VPS53: variants seen among roughly 807,000 people sequenced by gnomAD.
The protein encoded by VPS53 is VPS53 subunit of GARP complex.
A neutral mutation model predicts 107.0 loss-of-function variants in VPS53; 70 were observed. That is an observed-to-expected ratio of 0.65 (90% CI 0.54 to 0.80). VPS53 has a LOEUF of 0.80. VPS53 is among the 30% of genes least tolerant of loss of function. The probability of loss-of-function intolerance (pLI) is 0.00; values close to 1 mark genes in which losing one functional copy is unlikely to be tolerated. For synonymous variants in VPS53, 409 were observed against 393.3 expected, an observed-to-expected ratio of 1.04 and a Z score of -0.47; for missense variants, 917 against 1,049.4, an observed-to-expected ratio of 0.87 and a Z score of 1.74.
chr17:592,772 G>A (rs890423007), intron 12 of VPS53, among the ~76,000 whole-genome samples: 1 of 152,170 alleles, frequency 6.6e-6, no homozygotes, highest in Admixed American at 6.5e-5. Flanking sequence ...AGTCTGATGG[G>A]CTTCCCTTTG....
chr17:628,352 C>T, intron 8 of VPS53, 121 bp from the exon 9 acceptor site: 1 of 1,189,732 alleles, frequency 8.4e-7, no homozygotes. Context: ...CCTTCACACT[C>T]ATTCTTTCTG....
intron 15 of VPS53, among the ~76,000 whole-genome samples, chr17:555,214 C>T (rs1459288929): frequency 6.6e-6 from 1 of 152,234 alleles, no homozygotes; most frequent in African/African-American, 2.4e-5. Context: ...GCCTGCTAGG[C>T]TTCAGTTACA....
chr17:591,864 G>A (rs1967677767), intron 12 of VPS53, among the ~76,000 whole-genome samples: 2 of 152,104 alleles, frequency 1.3e-5, no homozygotes, highest in African/African-American at 4.8e-5. Flanking sequence ...ATTTGGGGTG[G>A]AGAGTTGATT....
chr17:604,643 C>T (rs1968482406), intron 11 of VPS53, among the ~76,000 whole-genome samples: 1 of 152,134 alleles, frequency 6.6e-6, no homozygotes, highest in Admixed American at 6.5e-5. Context: ...GGGATTTTGC[C>T]ATGTTGCCTG....
At chr17:551,660 G>C (rs1911832218) in intron 17 of VPS53, 2 of 355,568 alleles carry the variant, frequency 5.6e-6, no homozygotes, top group Non-Finnish European at 1.0e-5. Flanking sequence ...CTCCAATACT[G>C]TGATGCTCTG....
Position 697,459 on chromosome 17 carries a change from C to T in VPS53, c.244G>A (p.Val82Ile). The T allele has an allele frequency of 6.2e-7, 1 of 1,614,048 alleles. No homozygotes were observed. Among genetic ancestry groups the T allele is most frequent in the Non-Finnish European group, 8.5e-7 (1 of 1,179,870 alleles). ...IRRLDDNIRT[V>I]VRGQTNVGQD... ...CCCACGTTCGTCTGACCTCTTACAA[C>T]AGTTCGAATATTGTCATCCAGTCTC... Residue 82 changes from valine to isoleucine, a missense_variant, in exon 4 of 22, where the codon GTT becomes ATT. Transcript: ENST00000437048.
intron 4 of VPS53, among the ~76,000 whole-genome samples, chr17:672,508 A>T (rs192370942): frequency 2.0e-5 from 3 of 152,340 alleles, no homozygotes; most frequent in Non-Finnish European, 2.9e-5. Flanking sequence ...CCCTCTAAGA[A>T]TCAGAGGTTG....
intron 11 of VPS53, among the ~76,000 whole-genome samples, chr17:611,718 A>G (rs1223318849): frequency 6.6e-6 from 1 of 152,280 alleles, no homozygotes; most frequent in Non-Finnish European, 1.5e-5. Context: ...GAAAACCTGT[A>G]CAAATATTCA....
intron 17 of VPS53, among the ~76,000 whole-genome samples, chr17:546,335 A>T (rs965245768): frequency 1.5e-4 from 14 of 92,072 alleles, no homozygotes; most frequent in African/African-American, 3.7e-4. Context: ...TATCTCACAC[A>T]CACACACACA....
chr17:570,019 T>TTAA (rs1440455640), intron 13 of VPS53, among the ~76,000 whole-genome samples: 1 of 151,980 alleles, frequency 6.6e-6, no homozygotes, highest in Non-Finnish European at 1.5e-5. Context: ...CTCCCAACAC[T>TTAA]TATTAATAAA....
intron 11 of VPS53, among the ~76,000 whole-genome samples, chr17:604,058 G>A (rs1398539515): frequency 1.3e-5 from 2 of 152,224 alleles, no homozygotes; most frequent in South Asian, 2.1e-4. Flanking sequence ...TTCAGTGACA[G>A]ACACAGAATT....
chr17:534,426 A>C (rs931657796), intron 18 of VPS53, among the ~76,000 whole-genome samples: 1 of 152,112 alleles, frequency 6.6e-6, no homozygotes, highest in East Asian at 1.9e-4. Flanking sequence ...GGTAGAAAGG[A>C]AGCTGAGGGA....
At chr17:558,301 A>C (rs545371480) in intron 15 of VPS53, among the ~76,000 whole-genome samples, 29 of 152,310 alleles carry the variant, frequency 1.9e-4, no homozygotes, top group African/African-American at 6.7e-4. Flanking sequence ...CCCCGTCTCT[A>C]CTAAAAATAC....
chr17:566,077 G>A (rs1331823039), intron 13 of VPS53, among the ~76,000 whole-genome samples: 12 of 150,580 alleles, frequency 8.0e-5, no homozygotes, highest in Admixed American at 1.3e-4. Context: ...AGTGGCGGGC[G>A]CCTGTAGTCC....
At chr17:641,941 T>G (rs1241585571) in intron 7 of VPS53, among the ~76,000 whole-genome samples, 1 of 152,196 alleles carries the variant, frequency 6.6e-6, no homozygotes. Context: ...GTTTCTGGCA[T>G]CCTCCATGCC....
rs139517286 is a variant in VPS53 at position 655,475 on chromosome 17, C to T, written c.488+363G>A. Among the ~76,000 whole-genome samples, 456 of 150,496 alleles carry T rather than the reference C, an allele frequency of 3.0e-3. 3 individuals are homozygous for T. Among genetic ancestry groups the T allele is most frequent in the African/African-American group, 0.011 (440 of 40,692 alleles). ...TCTGCCTGGAGTGAATATGGGCCCG[C>T]GTCACTCTGTCTGCCTGGAGTGCAT... is the stretch of plus-strand genomic sequence containing the variant. On this transcript the variant is annotated intron_variant, in intron 6 of 21. Transcript: ENST00000437048.
intron 4 of VPS53, among the ~76,000 whole-genome samples, chr17:687,822 C>A (rs1013906460): frequency 2.6e-5 from 4 of 152,154 alleles, no homozygotes; most frequent in African/African-American, 7.2e-5. Context: ...GTATTATTAT[C>A]TCCATGTCAC....
intron 7 of VPS53, 197 bp downstream of exon 7, chr17:653,094 C>T (rs931495720): frequency 1.0e-6 from 1 of 981,070 alleles, no homozygotes; most frequent in Non-Finnish European, 1.2e-6. Context: ...ACTTTCCCTC[C>T]AGTGACAGTT....
chr17:661,520 CAA>C (rs10666256), intron 5 of VPS53, among the ~76,000 whole-genome samples: 7 of 109,178 alleles, frequency 6.4e-5, no homozygotes, highest in African/African-American at 3.8e-5. Flanking sequence ...GACTCCATCT[CAA>C]AAAAAAAAAA....
Sources: gnomAD v4.1 joint callset for allele counts (sites outside exome capture counted in the v4.1 genomes callset) on GRCh38, gnomAD v4.1.1 for gene constraint, MANE v1.5 for transcripts, NCBI Gene and HGNC (gene_info 2026-07-23, HGNC 2026-07-21) for gene names.